DST: variants seen among roughly 807,000 people sequenced by gnomAD.
DST encodes dystonin.
A neutral mutation model predicts 875.2 loss-of-function variants in DST; 253 were observed. That is an observed-to-expected ratio of 0.29 (90% CI 0.26 to 0.32). The LOEUF (loss-of-function observed/expected upper bound fraction) is 0.32. DST is among the 10% of genes least tolerant of loss of function. The pLI, the probability that DST is intolerant of heterozygous loss-of-function variation, is 1.00. For missense variants in DST, 8,287 were observed against 9,111.6 expected (o/e 0.91, Z 3.68); for synonymous variants, 3,124 against 3,197.1 (o/e 0.98, Z 0.77).
chr6:56,544,218 C>T (rs2097185709), intron 61 of DST, among the ~76,000 whole-genome samples: 1 of 152,186 alleles, frequency 6.6e-6, no homozygotes, highest in Non-Finnish European at 1.5e-5. Flanking sequence ...GAGTCTTACT[C>T]CCAGCTGCCG....
intron 27 of DST, 136 bp downstream of exon 27, chr6:56,633,996 T>G: frequency 1.9e-6 from 2 of 1,060,832 alleles, no homozygotes; most frequent in Non-Finnish European, 2.9e-6. Context: ...ATAACAAATA[T>G]TCATTGAATA....
chr6:56,886,513 C>T (rs768291154), intron 3 of DST, among the ~76,000 whole-genome samples: 37 of 152,236 alleles, frequency 2.4e-4, no homozygotes, highest in Non-Finnish European at 4.6e-4. Context: ...TGGTGGCTCA[C>T]GCCTGTAATC....
Position 56,535,106 on chromosome 6 carries a change from A to C in DST, c.16941+16T>G. On this transcript the variant is annotated intron_variant, in intron 63 of 103. Coordinates refer to ENST00000680361, the MANE Select transcript of DST (RefSeq NM_001374736.1). ...GATTTAATATGAAACGCAATACAAA[A>C]GCATGACTAACTTACCTTTTGTTCT... 7 of 1,610,612 alleles carry C rather than the reference A, an allele frequency of 4.3e-6. No individual in the cohort carries two copies. Among genetic ancestry groups the C allele is most frequent in the Non-Finnish European group, 5.9e-6 (7 of 1,179,086 alleles).
At chr6:56,472,728 A>C (rs2094957000) in intron 93 of DST, among the ~76,000 whole-genome samples, 1 of 152,222 alleles carries the variant, frequency 6.6e-6, no homozygotes, top group Admixed American at 6.5e-5. Flanking sequence ...ATATGGCAGC[A>C]TGTGTATGGG....
At chr6:56,940,233 C>T (rs1247900690) in intron 2 of DST, among the ~76,000 whole-genome samples, 3 of 139,002 alleles carry the variant, frequency 2.2e-5, no homozygotes, top group East Asian at 2.4e-4. Flanking sequence ...CACACACACA[C>T]ACATATATAC....
chr6:56,619,884 C>A, intron 36 of DST: 1 of 1,614,098 alleles, frequency 6.2e-7, no homozygotes, highest in South Asian at 1.1e-5. Context: ...TATGTCAGCT[C>A]TCTCATGTCT....
intron 64 of DST, among the ~76,000 whole-genome samples, chr6:56,531,024 T>C (rs2096887930): frequency 6.6e-6 from 1 of 152,204 alleles, no homozygotes; most frequent in Non-Finnish European, 1.5e-5. Context: ...GCATAAGCTA[T>C]TAAACATAAT....
chr6:56,461,137 C>T (rs543260395), intron 102 of DST: 1 of 152,156 alleles, frequency 6.6e-6, no homozygotes, highest in African/African-American at 2.4e-5. Context: ...TATTTTTAAA[C>T]AACTGATTTT....
intron 72 of DST, among the ~76,000 whole-genome samples, chr6:56,515,220 A>G (rs770588028): frequency 3.3e-5 from 5 of 151,900 alleles, no homozygotes; most frequent in African/African-American, 4.8e-5. Context: ...TGCATATTTT[A>G]TAAAAGTTGT....
intron 5 of DST, among the ~76,000 whole-genome samples, chr6:56,721,025 CCCTCCGCCT>C (rs1563859638): frequency 2.0e-5 from 3 of 150,236 alleles, no homozygotes; most frequent in Admixed American, 6.6e-5. Context: ...GGGGGCAGCC[CCCTCCGCCT>C]CCCAGACAGG....
intron 50 of DST, among the ~76,000 whole-genome samples, chr6:56,576,023 C>A (rs1164272082): frequency 6.6e-6 from 1 of 152,150 alleles, no homozygotes; most frequent in East Asian, 1.9e-4. Context: ...GTCACCCTGT[C>A]AACCTCTGAG....
intron 4 of DST, among the ~76,000 whole-genome samples, chr6:56,739,098 C>T (rs768883646): frequency 4.7e-5 from 7 of 147,972 alleles, no homozygotes; most frequent in Non-Finnish European, 7.4e-5. Flanking sequence ...TCATCTTTGT[C>T]TACCACATAC....
At chr6:56,651,436 T>A (rs902582754) in intron 10 of DST, among the ~76,000 whole-genome samples, 192 bp from the exon 11 acceptor site, 2 of 152,206 alleles carry the variant, frequency 1.3e-5, no homozygotes, top group African/African-American at 2.4e-5. Context: ...AAAGCAAATA[T>A]AACAATGAAA....
rs1186768651 is a variant in DST at position 56,628,069 on chromosome 6, G to C, written c.4568C>G (p.Thr1523Ser). ...CTGATTTTCCTGAATCTTTCTCTGA[G>C]TAGTTTCAACCTGCTGGATCCAATC... ...LDDWIQQVET[T>S]QRKIQENQPE... The change falls in exon 33 of 104, where the codon ACT becomes AGT. Residue 1523 changes from threonine to serine, a missense_variant. Thr to Ser is a moderately conservative substitution (Grantham distance 58). This residue lies in a region of DST where 3,138 missense variants were observed against 3,116.6 expected (regional missense o/e 1.01). Coordinates refer to ENST00000680361, the MANE Select transcript of DST (RefSeq NM_001374736.1). 6.2e-7 allele frequency: 1 copy of C among 1,613,760 alleles called. No homozygotes were observed. The highest frequency in any genetic ancestry group is 8.5e-7 in the Non-Finnish European group (1 of 1,179,688).
chr6:56,538,151 TA>T (rs2097049529), intron 61 of DST, among the ~76,000 whole-genome samples: 1 of 152,080 alleles, frequency 6.6e-6, no homozygotes, highest in Non-Finnish European at 1.5e-5. Flanking sequence ...CCCAGCTAAT[TA>T]AAAGAAAATT....
At chr6:56,869,857 T>C (rs1591893944) in intron 3 of DST, among the ~76,000 whole-genome samples, 1 of 152,128 alleles carries the variant, frequency 6.6e-6, no homozygotes, top group South Asian at 2.1e-4. Flanking sequence ...GTTAATTTTT[T>C]TGATTTTTAG....
intron 3 of DST, chr6:56,863,378 A>G (rs1466107788): frequency 6.6e-6 from 1 of 152,228 alleles, no homozygotes; most frequent in East Asian, 1.9e-4. Flanking sequence ...CACAAAAATA[A>G]CAATATCCCT....
At chr6:56,767,730 G>A (rs560016846) in intron 4 of DST, among the ~76,000 whole-genome samples, 1 of 152,212 alleles carries the variant, frequency 6.6e-6, no homozygotes, top group African/African-American at 2.4e-5. Context: ...GAAATTGAGG[G>A]TGTGGAGGTT....
chr6:56,912,252 G>A (rs1033094442), intron 2 of DST, among the ~76,000 whole-genome samples: 2 of 152,118 alleles, frequency 1.3e-5, no homozygotes, highest in African/African-American at 2.4e-5. Flanking sequence ...GGGGTCGGGC[G>A]CAGCACACTG....
Sources: gnomAD v4.1 joint callset for allele counts (sites outside exome capture counted in the v4.1 genomes callset) on GRCh38, gnomAD v4.1.1 for gene constraint, gnomAD v4.1.1 regional missense constraint, MANE v1.5 for transcripts, NCBI Gene and HGNC (gene_info 2026-07-23, HGNC 2026-07-21) for gene names.